The following SNTG1 variants were observed in gnomAD, a reference collection of about 807,000 sequenced individuals.
SNTG1 encodes syntrophin gamma 1.
In SNTG1, 39 loss-of-function variants were observed where a neutral mutation model predicts 74.7. The ratio of observed to expected loss-of-function variants is 0.52; its 90% CI spans 0.40 to 0.68. The LOEUF is 0.68. Ranked by LOEUF, SNTG1 falls within the 30% of genes least tolerant of loss-of-function variation. The pLI is 0.00. For synonymous variants in SNTG1, 254 were observed against 217.1 expected, an observed-to-expected ratio of 1.17 and a Z score of -1.49; for missense variants, 685 against 609.5, an observed-to-expected ratio of 1.12 and a Z score of -1.30.
At chr8:50,517,616 CAAAAAAAAAA>C (rs1161724778) in intron 9 of SNTG1, among the ~76,000 whole-genome samples, 11 of 62,354 alleles carry the variant, frequency 1.8e-4, no homozygotes, top group Non-Finnish European at 3.3e-4. Context: ...AAATGGAAAG[CAAAAAAAAAA>C]AAAAAAAAAA....
At chr8:50,309,954 A>C (rs1259041788) in intron 2 of SNTG1, among the ~76,000 whole-genome samples, 3 of 152,258 alleles carry the variant, frequency 2.0e-5, no homozygotes, top group African/African-American at 7.2e-5. Flanking sequence ...TGTGGTATTA[A>C]TATCAAAAGT....
At chr8:50,187,245 C>T (rs1441684741) in intron 2 of SNTG1, among the ~76,000 whole-genome samples, 2 of 152,000 alleles carry the variant, frequency 1.3e-5, no homozygotes, top group Non-Finnish European at 2.9e-5. Context: ...CTGGAGGCAC[C>T]CTGCTACCTG....
chr8:50,275,173 A>T (rs975692906), intron 2 of SNTG1, among the ~76,000 whole-genome samples: 22 of 152,310 alleles, frequency 1.4e-4, no homozygotes, highest in African/African-American at 5.0e-4. Flanking sequence ...TAGTGAAATC[A>T]TCCAGGTCTG....
intron 2 of SNTG1, among the ~76,000 whole-genome samples, chr8:50,183,763 C>T (rs1194051208): frequency 6.6e-6 from 1 of 152,140 alleles, no homozygotes; most frequent in African/African-American, 2.4e-5. Context: ...CAAACCTCAG[C>T]CCAGTCATGA....
At chr8:50,424,743 T>C (rs1051280876) in intron 4 of SNTG1, among the ~76,000 whole-genome samples, 1 of 152,174 alleles carries the variant, frequency 6.6e-6, no homozygotes, top group African/African-American at 2.4e-5. Context: ...TAAGAGGAGT[T>C]TTACTGTTCT....
chr8:50,719,265 T>G (rs777733843), intron 17 of SNTG1, among the ~76,000 whole-genome samples: 19 of 152,276 alleles, frequency 1.2e-4, no homozygotes, highest in Non-Finnish European at 2.1e-4. Context: ...GGGAGGTGAT[T>G]AAGTCATGTG....
chr8:50,205,969 A>G (rs1164284159), intron 2 of SNTG1, among the ~76,000 whole-genome samples: 1 of 152,150 alleles, frequency 6.6e-6, no homozygotes, highest in African/African-American at 2.4e-5. Context: ...TGGTTACTGT[A>G]GACTTGTAGT....
At chr8:50,112,409 T>C (rs2080627451) in intron 1 of SNTG1, among the ~76,000 whole-genome samples, 1 of 151,886 alleles carries the variant, frequency 6.6e-6, no homozygotes, top group Non-Finnish European at 1.5e-5. Flanking sequence ...AATACAGCAA[T>C]TGGATCTAAG....
intron 17 of SNTG1, among the ~76,000 whole-genome samples, chr8:50,725,845 T>A (rs1328781341): frequency 6.6e-6 from 1 of 152,220 alleles, no homozygotes; most frequent in Non-Finnish European, 1.5e-5. Flanking sequence ...GATATAAATT[T>A]TGACCACCAA....
chr8:50,014,273 G>A (rs1816100773), intron 1 of SNTG1, among the ~76,000 whole-genome samples: 1 of 152,104 alleles, frequency 6.6e-6, no homozygotes, highest in African/African-American at 2.4e-5. Context: ...ATCTCTGAGT[G>A]TGTTAGCTAT....
chr8:50,489,804 T>C (rs2093834395), intron 8 of SNTG1, among the ~76,000 whole-genome samples: 1 of 152,266 alleles, frequency 6.6e-6, no homozygotes, highest in South Asian at 2.1e-4. Context: ...TTGGCTTTTG[T>C]TGCCATTGCT....
intron 11 of SNTG1, among the ~76,000 whole-genome samples, chr8:50,552,490 G>C (rs1169378550): frequency 6.6e-6 from 1 of 152,144 alleles, no homozygotes; most frequent in Admixed American, 6.5e-5. Context: ...ATTTACACCT[G>C]GAAAGAAGGT....
At chr8:50,213,387 G>T (rs1286879259) in intron 2 of SNTG1, among the ~76,000 whole-genome samples, 1 of 152,166 alleles carries the variant, frequency 6.6e-6, no homozygotes, top group Admixed American at 6.6e-5. Flanking sequence ...TAAAAAGTAT[G>T]TAGGCTATGT....
intron 2 of SNTG1, among the ~76,000 whole-genome samples, chr8:50,361,215 A>T (rs1034694507): frequency 6.6e-6 from 1 of 152,166 alleles, no homozygotes; most frequent in African/African-American, 2.4e-5. Flanking sequence ...CAGGGTCAGA[A>T]TCATCAATAT....
chr8:50,526,529 G>A (rs1452320163), intron 9 of SNTG1, among the ~76,000 whole-genome samples: 1 of 152,076 alleles, frequency 6.6e-6, no homozygotes. Context: ...TGCAAAGTTG[G>A]TGTGTCTATG....
At chr8:50,280,967 C>G (rs1467785174) in intron 2 of SNTG1, among the ~76,000 whole-genome samples, 1 of 99,198 alleles carries the variant, frequency 1.0e-5, no homozygotes, top group Non-Finnish European at 1.9e-5. Flanking sequence ...TCCTGGCTAA[C>G]ATGGTGAAAC....
At chr8:50,180,444 A>G (rs929939773) in intron 2 of SNTG1, among the ~76,000 whole-genome samples, 1 of 152,216 alleles carries the variant, frequency 6.6e-6, no homozygotes, top group Non-Finnish European at 1.5e-5. Context: ...TACATACAAA[A>G]AAGAAAGTAA....
At chr8:50,459,514 T>C (rs985039829) in intron 8 of SNTG1, among the ~76,000 whole-genome samples, 1 of 152,320 alleles carries the variant, frequency 6.6e-6, no homozygotes, top group Admixed American at 6.5e-5. Context: ...CAAAATGATA[T>C]ACATTTTTTC....
chr8:50,601,064 G>C (rs1216185746), intron 13 of SNTG1, among the ~76,000 whole-genome samples: 1 of 139,270 alleles, frequency 7.2e-6, no homozygotes, highest in African/African-American at 2.6e-5. Flanking sequence ...CCAGCTGCTT[G>C]GGAGAATCGC....
Sources: gnomAD v4.1 joint callset for allele counts (sites outside exome capture counted in the v4.1 genomes callset) on GRCh38, gnomAD v4.1.1 for gene constraint, MANE v1.5 for transcripts, NCBI Gene and HGNC (gene_info 2026-07-23, HGNC 2026-07-21) for gene names.